Variants in EYA2 observed in about 807,000 individuals in gnomAD.
The protein encoded by EYA2 is EYA transcriptional coactivator and phosphatase 2.
EYA2 carries 31 observed loss-of-function variants against 69.2 expected under a neutral mutation model. The observed-to-expected ratio is 0.45, with a 90% CI of 0.34 to 0.60. The LOEUF (loss-of-function observed/expected upper bound fraction) is 0.60, where lower values mean the gene tolerates loss of function less well. Ranked by LOEUF, EYA2 falls within the 20% of genes least tolerant of loss-of-function variation. The probability of loss-of-function intolerance (pLI) is 0.02; values close to 1 mark genes in which losing one functional copy is unlikely to be tolerated. For missense variants in EYA2, 622 were observed against 701.2 expected, an observed-to-expected ratio of 0.89 and a Z score of 1.28; for synonymous variants, 257 against 279.4, an observed-to-expected ratio of 0.92 and a Z score of 0.80.
intron 9 of EYA2, among the ~76,000 whole-genome samples, chr20:47,112,465 A>G (rs552328571): frequency 6.6e-6 from 1 of 152,206 alleles, no homozygotes; most frequent in East Asian, 1.9e-4. Context: ...TAAAAATTAA[A>G]TGATTTAACT....
intron 10 of EYA2, among the ~76,000 whole-genome samples, chr20:47,145,480 C>T (rs548510791): frequency 2.8e-4 from 43 of 152,250 alleles, no homozygotes; most frequent in Admixed American, 1.3e-3. Flanking sequence ...TTACAGCAAT[C>T]GAAGCTCATT....
chr20:47,100,245 A>G (rs1424548550), intron 9 of EYA2, among the ~76,000 whole-genome samples: 2 of 152,256 alleles, frequency 1.3e-5, no homozygotes, highest in Non-Finnish European at 2.9e-5. Context: ...TGTCGCCAAC[A>G]TTTAAAAATC....
chr20:46,998,572 G>A (rs756639835), intron 2 of EYA2: 3 of 152,248 alleles, frequency 2.0e-5, no homozygotes, highest in Non-Finnish European at 4.4e-5. Context: ...CCAAAGCAGA[G>A]AATCTCCACC....
At chr20:47,184,797 A>G (rs1304149922) in intron 15 of EYA2, among the ~76,000 whole-genome samples, 3 of 152,050 alleles carry the variant, frequency 2.0e-5, no homozygotes, top group African/African-American at 7.2e-5. Context: ...GCACATGCAA[A>G]CCTACCTGTG....
At chr20:47,175,696 CGT>C (rs2034412660) in intron 12 of EYA2, among the ~76,000 whole-genome samples, 1 of 152,096 alleles carries the variant, frequency 6.6e-6, no homozygotes, top group Non-Finnish European at 1.5e-5. Context: ...CACTTCCCAG[CGT>C]GGAGCAAAGT....
chr20:47,166,616 C>T (rs746256451), intron 10 of EYA2, among the ~76,000 whole-genome samples: 2 of 151,884 alleles, frequency 1.3e-5, no homozygotes, highest in Admixed American at 6.6e-5. Flanking sequence ...GCAGCTGCCT[C>T]GAGAAATCAC....
intron 1 of EYA2, among the ~76,000 whole-genome samples, chr20:46,900,388 T>C (rs1409303568): frequency 1.3e-5 from 2 of 152,194 alleles, no homozygotes; most frequent in African/African-American, 4.8e-5. Context: ...TACACGTGTA[T>C]TAGCCAAAAG....
intron 1 of EYA2, among the ~76,000 whole-genome samples, chr20:46,896,448 C>G: frequency 6.6e-6 from 1 of 151,574 alleles, no homozygotes; most frequent in East Asian, 1.9e-4. Context: ...GAGGAGAGAA[C>G]CTCTTTTTCA....
chr20:46,970,636 A>G (rs947362572), intron 1 of EYA2, among the ~76,000 whole-genome samples: 46 of 152,102 alleles, frequency 3.0e-4, no homozygotes, highest in African/African-American at 1.0e-3. Context: ...TGGTGGGGGG[A>G]TGGTTAAATA....
chr20:46,957,865 T>C (rs781755745), intron 1 of EYA2, among the ~76,000 whole-genome samples: 24 of 152,286 alleles, frequency 1.6e-4, no homozygotes, highest in Non-Finnish European at 3.2e-4. Flanking sequence ...CTGAGGGTTC[T>C]AGGGCTCTCT....
At chr20:47,093,814 G>A (rs2032161585) in intron 8 of EYA2, among the ~76,000 whole-genome samples, 1 of 152,208 alleles carries the variant, frequency 6.6e-6, no homozygotes, top group Non-Finnish European at 1.5e-5. Flanking sequence ...ATAACAAGTG[G>A]AGGTATGCAC....
intron 5 of EYA2, among the ~76,000 whole-genome samples, chr20:47,032,663 G>A (rs1405588654): frequency 6.6e-6 from 1 of 152,182 alleles, no homozygotes; most frequent in Non-Finnish European, 1.5e-5. Flanking sequence ...CTGCAGTACT[G>A]CATCGAGAAA....
chr20:47,178,678 A>C (rs1351742194), intron 12 of EYA2, among the ~76,000 whole-genome samples: 1 of 151,996 alleles, frequency 6.6e-6, no homozygotes, highest in Non-Finnish European at 1.5e-5. Context: ...ATTTTTGTTC[A>C]TATCTGTGCA....
At chr20:46,994,120 T>C (rs1462117849) in intron 2 of EYA2, among the ~76,000 whole-genome samples, 1 of 152,166 alleles carries the variant, frequency 6.6e-6, no homozygotes, top group East Asian at 1.9e-4. Flanking sequence ...TAGGGAGATA[T>C]TGGTTCTGAA....
intron 9 of EYA2, among the ~76,000 whole-genome samples, chr20:47,111,260 G>C (rs1340969908): frequency 1.3e-5 from 2 of 152,182 alleles, no homozygotes; most frequent in East Asian, 1.9e-4. Flanking sequence ...AAAACAAAAG[G>C]CATGAGAAGT....
intron 4 of EYA2, among the ~76,000 whole-genome samples, chr20:47,007,004 A>G (rs1982760166): frequency 6.6e-6 from 1 of 152,214 alleles, no homozygotes; most frequent in Non-Finnish European, 1.5e-5. Flanking sequence ...ATCGCAGCTC[A>G]CCGCAAGCTC....
intron 1 of EYA2, among the ~76,000 whole-genome samples, chr20:46,906,894 C>T (rs73303611): frequency 0.059 from 8,959 of 152,160 alleles, 598 homozygotes; most frequent in African/African-American, 0.16. Context: ...GGGCTGAAAG[C>T]GATGTTAAAT....
At chr20:47,150,027 T>G (rs2146611299) in intron 10 of EYA2, among the ~76,000 whole-genome samples, 1 of 152,308 alleles carries the variant, frequency 6.6e-6, no homozygotes, top group Middle Eastern at 3.4e-3. Context: ...GTGCTGTCCC[T>G]GAAGAAGATG....
intron 1 of EYA2, among the ~76,000 whole-genome samples, chr20:46,980,595 TC>T (rs1980772800): frequency 6.6e-6 from 1 of 152,240 alleles, no homozygotes; most frequent in Admixed American, 6.5e-5. Flanking sequence ...TAGATATGTA[TC>T]TTTTCTTTAT....
Sources: gnomAD v4.1 joint callset for allele counts (sites outside exome capture counted in the v4.1 genomes callset) on GRCh38, gnomAD v4.1.1 for gene constraint, MANE v1.5 for transcripts, NCBI Gene and HGNC (gene_info 2026-07-23, HGNC 2026-07-21) for gene names.